Variants in SRGAP3 observed in about 807,000 individuals in gnomAD.
The protein encoded by SRGAP3 is SLIT-ROBO Rho GTPase activating protein 3.
In SRGAP3, 39 loss-of-function variants were observed where a neutral mutation model predicts 121.1. The observed-to-expected ratio is 0.32, with a 90% CI of 0.25 to 0.42. The LOEUF (loss-of-function observed/expected upper bound fraction) is 0.42. SRGAP3 is among the 10% of genes least tolerant of loss of function. SRGAP3 has a pLI of 1.00. For missense variants in SRGAP3, 1,213 were observed against 1,470.6 expected (o/e 0.82, Z 2.86); for synonymous variants, 601 against 570.0 (o/e 1.05, Z -0.77).
chr3:8,997,264 C>A (rs986502255), intron 18 of SRGAP3, among the ~76,000 whole-genome samples: 12 of 152,188 alleles, frequency 7.9e-5, no homozygotes, highest in Non-Finnish European at 1.2e-4. Flanking sequence ...TGCTGTCTAC[C>A]TGCTCACCCA....
chr3:9,353,099 C>T (rs1442429838), intron 1 of SRGAP3, among the ~76,000 whole-genome samples: 2 of 152,210 alleles, frequency 1.3e-5, no homozygotes, highest in African/African-American at 4.8e-5. Flanking sequence ...CTGAGGGATC[C>T]TGTCCCTTTC....
chr3:9,183,868 C>A (rs1197385487), intron 1 of SRGAP3, among the ~76,000 whole-genome samples: 1 of 151,978 alleles, frequency 6.6e-6, no homozygotes, highest in Non-Finnish European at 1.5e-5. Context: ...CCTCAGCCCC[C>A]ACAGCTGTAC....
At position 9,248,973 on chromosome 3, in the gene SRGAP3, C is replaced by A. The variant is rs543999222; in HGVS notation, c.-22G>T. 6.2e-7 allele frequency: 1 copy of A among 1,611,548 alleles called. No homozygotes were observed. Among genetic ancestry groups the A allele is most frequent in the South Asian group, 1.1e-5 (1 of 91,020 alleles). ...ACATCTTCTGACGTGGCCAAAGGAA[C>A]TGACAGGCTGTTTGATTTATTTCTC... On this transcript the variant is annotated 5_prime_UTR_variant, in exon 1 of 22. Transcript: ENST00000383836.
intron 1 of SRGAP3, among the ~76,000 whole-genome samples, chr3:9,125,853 T>A (rs978547364): frequency 6.6e-6 from 1 of 152,126 alleles, no homozygotes; most frequent in Admixed American, 6.5e-5. Context: ...TCTGCCTGAG[T>A]ATTAGGTCCA....
chr3:9,338,791 C>T (rs1211736728), intron 1 of SRGAP3, among the ~76,000 whole-genome samples: 2 of 152,198 alleles, frequency 1.3e-5, no homozygotes, highest in East Asian at 3.8e-4. Flanking sequence ...AATGTTACCA[C>T]ATTTACAGAA....
At chr3:9,265,444 AG>A (rs1407038313) in intron 3 of SRGAP3, among the ~76,000 whole-genome samples, 2 of 152,232 alleles carry the variant, frequency 1.3e-5, no homozygotes, top group Non-Finnish European at 2.9e-5. Context: ...GGCAACCTAC[AG>A]AATGGGAGAA....
intron 3 of SRGAP3, among the ~76,000 whole-genome samples, chr3:9,309,703 T>G (rs1340657526): frequency 1.3e-5 from 2 of 151,946 alleles, no homozygotes; most frequent in African/African-American, 4.8e-5. Context: ...CTACAAAAAT[T>G]TGAAAATCAG....
Position 9,109,307 on chromosome 3 carries a change from T to C in SRGAP3, c.261-4465A>G, listed in dbSNP as rs912105559. On this transcript the variant is annotated intron_variant, in intron 2 of 21. Coordinates refer to ENST00000383836, the MANE Select transcript of SRGAP3 (RefSeq NM_014850.4). The surrounding 1 kb of genome is among the most constrained non-coding windows in gnomAD (Gnocchi z 4.4). ...ATTGCTGGGACAGTTTGGGGACCAT[T>C]AACTAGGTCATCTAGCCAGAGAGAT... is the stretch of plus-strand genomic sequence containing the variant. Among the ~76,000 whole-genome samples the C allele has an allele frequency of 1.3e-5, 2 of 152,052 alleles. No homozygotes were observed. The highest frequency in any genetic ancestry group is 4.8e-5 in the African/African-American group (2 of 41,406).
chr3:9,027,279 G>C (rs939402233), intron 12 of SRGAP3, among the ~76,000 whole-genome samples: 2 of 152,234 alleles, frequency 1.3e-5, no homozygotes, highest in African/African-American at 4.8e-5. Flanking sequence ...GGCCCACTTG[G>C]GCAGTGGAGA....
intron 3 of SRGAP3, among the ~76,000 whole-genome samples, chr3:9,323,512 C>T (rs193188700): frequency 3.4e-4 from 52 of 151,878 alleles, no homozygotes; most frequent in Admixed American, 2.5e-3. Context: ...TCTTCTTTCT[C>T]AGAACATCTC....
At chr3:9,329,641 G>C (rs1955573181) in intron 2 of SRGAP3, among the ~76,000 whole-genome samples, 1 of 152,208 alleles carries the variant, frequency 6.6e-6, no homozygotes, top group Non-Finnish European at 1.5e-5. Context: ...CTATGGCAGG[G>C]TGCGGAAGGT....
intron 3 of SRGAP3, among the ~76,000 whole-genome samples, chr3:9,303,614 C>A (rs774340483): frequency 6.6e-6 from 1 of 152,052 alleles, no homozygotes; most frequent in Non-Finnish European, 1.5e-5. Context: ...ATGTGATAAG[C>A]CTTGTTCTAA....
intron 1 of SRGAP3, among the ~76,000 whole-genome samples, chr3:9,242,290 C>T (rs1034835273): frequency 3.3e-5 from 5 of 152,182 alleles, no homozygotes; most frequent in Admixed American, 1.3e-4. Flanking sequence ...AAAAGCCATC[C>T]GGGCTATGGT....
chr3:9,214,293 T>C (rs558315527), intron 1 of SRGAP3, among the ~76,000 whole-genome samples: 1 of 152,344 alleles, frequency 6.6e-6, no homozygotes, highest in South Asian at 2.1e-4. Context: ...TCATATTCAT[T>C]GCCTTATTTA....
chr3:9,173,148 G>A (rs1179532822), intron 1 of SRGAP3, among the ~76,000 whole-genome samples: 4 of 152,206 alleles, frequency 2.6e-5, no homozygotes, highest in Non-Finnish European at 4.4e-5. Flanking sequence ...TCTGAGCTGG[G>A]CGCTTCCCAC....
Position 9,165,443 on chromosome 3 carries a change from C to T in SRGAP3, c.68-40526G>A, listed in dbSNP as rs1019469248. On this transcript the variant is annotated intron_variant, in intron 1 of 21. Coordinates refer to ENST00000383836, the MANE Select transcript of SRGAP3 (RefSeq NM_014850.4). ...TGAGCCACAAACCCCACCAAGGCAT[C>T]ATTCCTTCCTCCTGGTTCTCTCAGA... Among the ~76,000 whole-genome samples, 7 of 152,350 alleles carry T rather than the reference C, an allele frequency of 4.6e-5. No individual in the cohort carries two copies. In the East Asian group the frequency reaches 1.2e-3, roughly 25 times the overall value.
chr3:9,226,617 C>G (rs1952996890), intron 1 of SRGAP3, among the ~76,000 whole-genome samples: 1 of 152,182 alleles, frequency 6.6e-6, no homozygotes, highest in African/African-American at 2.4e-5. Context: ...TCAACGAGAA[C>G]CTTAAGTCTT....
chr3:9,104,616 T>C, intron 3 of SRGAP3, 64 bp downstream of exon 3: 3 of 1,601,046 alleles, frequency 1.9e-6, no homozygotes, highest in Non-Finnish European at 2.6e-6. Context: ...CTGGCTGGTA[T>C]ACTGTTACCA....
intron 1 of SRGAP3, among the ~76,000 whole-genome samples, chr3:9,233,443 C>T (rs1006194745): frequency 1.3e-5 from 2 of 152,178 alleles, no homozygotes; most frequent in African/African-American, 2.4e-5. Context: ...TTTAATTTCA[C>T]CTTAAAAGCA....
Sources: gnomAD v4.1 joint callset for allele counts (sites outside exome capture counted in the v4.1 genomes callset) on GRCh38, gnomAD v4.1.1 for gene constraint, Gnocchi (gnomAD v3.1) non-coding constraint, MANE v1.5 for transcripts, NCBI Gene and HGNC (gene_info 2026-07-23, HGNC 2026-07-21) for gene names.